Variants in KCND2 observed in about 807,000 individuals in gnomAD.
The protein encoded by KCND2 is potassium voltage-gated channel subfamily D member 2.
A neutral mutation model predicts 54.4 loss-of-function variants in KCND2; 16 were observed. That is an observed-to-expected ratio of 0.29 (90% CI 0.20 to 0.45). The LOEUF (loss-of-function observed/expected upper bound fraction) is 0.45, where lower values mean the gene tolerates loss of function less well. Ranked by LOEUF, KCND2 falls within the 20% of genes least tolerant of loss-of-function variation. The pLI, the probability that KCND2 is intolerant of heterozygous loss-of-function variation, is 1.00. For synonymous variants in KCND2, 317 were observed against 310.7 expected (o/e 1.02, Z -0.21); for missense variants, 486 against 824.2 (o/e 0.59, Z 5.02).
rs192365988 is a variant in KCND2 at position 120,601,138 on chromosome 7, C to T, written c.1116-131765C>T. On this transcript the variant is annotated intron_variant, in intron 1 of 5. Transcript: ENST00000331113. Reference sequence around the variant, plus strand: ...AAAGATAAATGAAACACAGTGTATACCTTCATGGAGTTAATATGCTATTCC... The same window carrying T: ...AAAGATAAATGAAACACAGTGTATATCTTCATGGAGTTAATATGCTATTCC... 1.8e-4 allele frequency among the ~76,000 whole-genome samples: 27 copies of T among 152,160 alleles called. No individual in the cohort carries two copies. The East Asian group carries it at 5.0e-3, about 28-fold the overall frequency.
At chr7:120,290,384 A>G (rs1049808691) in intron 1 of KCND2, among the ~76,000 whole-genome samples, 1 of 151,968 alleles carries the variant, frequency 6.6e-6, no homozygotes, top group African/African-American at 2.4e-5. Context: ...GACCTTTTTG[A>G]TATGCTGATT....
Position 120,377,316 on chromosome 7 carries a change from T to A in KCND2, c.1115+101569T>A, listed in dbSNP as rs182119002. On this transcript the variant is annotated intron_variant, in intron 1 of 5. Transcript: ENST00000331113. The stretch of plus-strand genomic sequence containing the variant: ...GAATATTATAGTTGGTTCCTTCATT[T>A]ACTGTGTGAAAAATACATCCAGAGA... Among the ~76,000 whole-genome samples, 953 of 152,088 alleles carry A rather than the reference T, an allele frequency of 6.3e-3. 4 individuals are homozygous for A. The highest frequency in any genetic ancestry group is 0.011 in the Admixed American group (162 of 15,228).
At position 120,392,337 on chromosome 7, in the gene KCND2, G is replaced by A. The variant is rs1184878964; in HGVS notation, c.1115+116590G>A. ...CTGTAACCTTGTAGTATAGTTTGAA[G>A]TCAGGTAACATGATGCCTCACACTT... is the stretch of plus-strand genomic sequence containing the variant. On this transcript the variant is annotated intron_variant, in intron 1 of 5. Transcript: ENST00000331113. 2.6e-5 allele frequency among the ~76,000 whole-genome samples: 4 copies of A among 151,904 alleles called. No homozygotes were observed. In the East Asian group the frequency reaches 7.7e-4, roughly 29 times the overall value.
At chr7:120,741,465 A>T (rs1018281554) in intron 2 of KCND2, 69 bp from the exon 3 acceptor site, 11 of 1,022,462 alleles carry the variant, frequency 1.1e-5, no homozygotes, top group Non-Finnish European at 1.6e-5. Flanking sequence ...GGATTATACA[A>T]GGGTTCATTC....
chr7:120,454,402 C>T (rs962873787), intron 1 of KCND2, among the ~76,000 whole-genome samples: 1 of 152,116 alleles, frequency 6.6e-6, no homozygotes, highest in African/African-American at 2.4e-5. Context: ...GCACAAAAAT[C>T]CCTCAGTGAC....
At chr7:120,368,337 G>A (rs189155270) in intron 1 of KCND2, among the ~76,000 whole-genome samples, 2 of 151,710 alleles carry the variant, frequency 1.3e-5, no homozygotes, top group African/African-American at 4.8e-5. Flanking sequence ...GGGTTTTAAG[G>A]TATTTCTTGA....
intron 1 of KCND2, among the ~76,000 whole-genome samples, chr7:120,684,175 A>C (rs2116593656): frequency 6.6e-6 from 1 of 152,284 alleles, no homozygotes. Flanking sequence ...CATGAGATTA[A>C]GCTCTGTGTA....
chr7:120,617,287 A>G (rs1361642277), intron 1 of KCND2, among the ~76,000 whole-genome samples: 1 of 152,048 alleles, frequency 6.6e-6, no homozygotes. Context: ...TAATGAATAT[A>G]TTTCCCAGAT....
chr7:120,600,368 A>G (rs971473449), intron 1 of KCND2, among the ~76,000 whole-genome samples: 2 of 151,976 alleles, frequency 1.3e-5, no homozygotes, highest in East Asian at 3.9e-4. Context: ...AATTTAGAAT[A>G]CTAAAATTAA....
chr7:120,464,923 T>C (rs1210490335), intron 1 of KCND2, among the ~76,000 whole-genome samples: 1 of 152,202 alleles, frequency 6.6e-6, no homozygotes, highest in Non-Finnish European at 1.5e-5. Flanking sequence ...AGGGCTCATG[T>C]GATTAAATTA....
intron 1 of KCND2, among the ~76,000 whole-genome samples, chr7:120,563,647 T>C (rs1478219307): frequency 6.6e-6 from 1 of 152,126 alleles, no homozygotes; most frequent in Admixed American, 6.6e-5. Flanking sequence ...ATCTGACTCA[T>C]GTTTTCTTCC....
At chr7:120,504,062 G>T (rs1291198251) in intron 1 of KCND2, among the ~76,000 whole-genome samples, 2 of 151,930 alleles carry the variant, frequency 1.3e-5, no homozygotes, top group African/African-American at 4.8e-5. Context: ...TGTTAGTTCA[G>T]ATCTTCAAGA....
intron 1 of KCND2, among the ~76,000 whole-genome samples, chr7:120,517,203 A>AT (rs1232621646): frequency 6.6e-6 from 1 of 151,990 alleles, no homozygotes; most frequent in Non-Finnish European, 1.5e-5. Context: ...ATAGTTAGTG[A>AT]TTTTTTTCTG....
At chr7:120,560,752 A>G (rs1258305444) in intron 1 of KCND2, among the ~76,000 whole-genome samples, 1 of 152,122 alleles carries the variant, frequency 6.6e-6, no homozygotes. Flanking sequence ...TTTCTACACC[A>G]TGTGTTCCTC....
chr7:120,581,782 G>A (rs1792518749), intron 1 of KCND2, among the ~76,000 whole-genome samples: 1 of 151,950 alleles, frequency 6.6e-6, no homozygotes, highest in Admixed American at 6.6e-5. Context: ...TATGATCTCA[G>A]CTCACTGCAA....
chr7:120,447,247 A>G (rs1343638542), intron 1 of KCND2, among the ~76,000 whole-genome samples: 1 of 152,020 alleles, frequency 6.6e-6, no homozygotes, highest in Non-Finnish European at 1.5e-5. Flanking sequence ...CATCTGTGTG[A>G]CATTCACGTT....
Position 120,427,940 on chromosome 7 carries a change from C to A in KCND2, c.1115+152193C>A, listed in dbSNP as rs1403901559. On this transcript the variant is annotated intron_variant, in intron 1 of 5. Transcript: ENST00000331113. The stretch of plus-strand genomic sequence containing the variant: ...AATTGTGACTTTCTATTGTGTATAA[C>A]AATAGGGTACATATATAGAGTAAAT... 1.3e-5 allele frequency among the ~76,000 whole-genome samples: 2 copies of A among 151,984 alleles called. 1 individual carries two copies. Among genetic ancestry groups the A allele is most frequent in the East Asian group, 3.9e-4 (2 of 5,186 alleles).
chr7:120,414,969 C>T (rs1039540209), intron 1 of KCND2, among the ~76,000 whole-genome samples: 2 of 152,124 alleles, frequency 1.3e-5, no homozygotes, highest in Admixed American at 1.3e-4. Context: ...ATTTCCCTTG[C>T]CCCATTAGTT....
intron 1 of KCND2, among the ~76,000 whole-genome samples, chr7:120,396,559 G>C (rs1488222277): frequency 6.6e-6 from 1 of 151,886 alleles, no homozygotes; most frequent in Admixed American, 6.6e-5. Context: ...ATTTTAATTG[G>C]ATACATTAAT....
Sources: allele counts gnomAD v4.1 joint callset (sites outside exome capture counted in the v4.1 genomes callset), GRCh38; gene constraint gnomAD v4.1.1; transcripts MANE v1.5; gene names NCBI Gene and HGNC (gene_info 2026-07-23, HGNC 2026-07-21).